DLG2: variants seen among roughly 807,000 people sequenced by gnomAD.
DLG2 encodes the protein disks large homolog 2.
A neutral mutation model predicts 132.5 loss-of-function variants in DLG2; 45 were observed. That is an observed-to-expected ratio of 0.34 (90% CI 0.27 to 0.44). The LOEUF (loss-of-function observed/expected upper bound fraction) is 0.44, where lower values mean the gene tolerates loss of function less well. Ranked by LOEUF, DLG2 falls within the 20% of genes least tolerant of loss-of-function variation. The pLI is 1.00. For missense variants in DLG2, 1,045 were observed against 1,196.9 expected, an observed-to-expected ratio of 0.87 and a Z score of 1.87; for synonymous variants, 424 against 419.6, an observed-to-expected ratio of 1.01 and a Z score of -0.13.
intron 6 of DLG2, among the ~76,000 whole-genome samples, chr11:84,869,734 G>C (rs1296880899): frequency 6.6e-6 from 1 of 152,208 alleles, no homozygotes; most frequent in Non-Finnish European, 1.5e-5. Context: ...GAAAGGGGCT[G>C]TCTCTTCTCA....
intron 3 of DLG2, among the ~76,000 whole-genome samples, chr11:85,286,422 A>G (rs1333305387): frequency 6.6e-6 from 1 of 152,108 alleles, no homozygotes; most frequent in Non-Finnish European, 1.5e-5. Context: ...ATATACACAA[A>G]TCAGTTATAC....
intron 6 of DLG2, among the ~76,000 whole-genome samples, chr11:84,783,730 A>C (rs2072263618): frequency 6.6e-6 from 1 of 152,178 alleles, no homozygotes; most frequent in African/African-American, 2.4e-5. Context: ...ACTCTAATGC[A>C]ACTGATCTAG....
intron 6 of DLG2, among the ~76,000 whole-genome samples, chr11:84,901,014 C>T (rs7943571): frequency 0.11 from 16,212 of 151,748 alleles, 1,252 homozygotes; most frequent in African/African-American, 0.22. Context: ...AGATACTTAG[C>T]GAGTCCATAT....
At chr11:83,839,329 T>G (rs1284073777) in intron 16 of DLG2, among the ~76,000 whole-genome samples, 1 of 152,228 alleles carries the variant, frequency 6.6e-6, no homozygotes, top group Non-Finnish European at 1.5e-5. Flanking sequence ...AAAATAAATT[T>G]GTAAAATGGA....
At chr11:85,374,932 G>C (rs767024166) in intron 3 of DLG2, among the ~76,000 whole-genome samples, 1 of 151,868 alleles carries the variant, frequency 6.6e-6, no homozygotes. Flanking sequence ...GAAATGTTAC[G>C]ATACTTGCAA....
chr11:83,765,147 T>C (rs966345497), intron 18 of DLG2, among the ~76,000 whole-genome samples: 10 of 152,260 alleles, frequency 6.6e-5, no homozygotes, highest in African/African-American at 2.4e-4. Context: ...TTGTAAAATA[T>C]AGCCTAAAGA....
intron 7 of DLG2, among the ~76,000 whole-genome samples, chr11:84,530,769 T>C (rs1372276885): frequency 6.6e-6 from 1 of 152,220 alleles, no homozygotes; most frequent in Non-Finnish European, 1.5e-5. Flanking sequence ...AATCTCATTA[T>C]TGGACATATA....
intron 6 of DLG2, among the ~76,000 whole-genome samples, chr11:84,659,515 GC>G (rs1178219565): frequency 6.6e-6 from 1 of 152,076 alleles, no homozygotes; most frequent in East Asian, 1.9e-4. Flanking sequence ...GCATGACAGT[GC>G]TTTTATGATT....
chr11:84,677,351 T>C (rs1354805083), intron 6 of DLG2, among the ~76,000 whole-genome samples: 3 of 152,080 alleles, frequency 2.0e-5, no homozygotes, highest in South Asian at 2.1e-4. Flanking sequence ...CTGCTGATTA[T>C]AAAGGATTTT....
rs547122639 is a variant in DLG2, at chr11:85,536,956, G to C, written c.40+61701C>G. Among the ~76,000 whole-genome samples the C allele has an allele frequency of 7.9e-5, 12 of 152,352 alleles. No homozygotes were observed. In the East Asian group the frequency reaches 2.1e-3, roughly 27 times the overall value. ...GAAGCTGATTGGGCTTCTGGGACAGGTGGGGACTTGGAGAACTTTTCTGTC... is the reference window on the plus strand; with the variant it reads ...GAAGCTGATTGGGCTTCTGGGACAGCTGGGGACTTGGAGAACTTTTCTGTC... On this transcript the variant is annotated intron_variant, in intron 3 of 27. Coordinates refer to ENST00000376104, the MANE Select transcript of DLG2 (RefSeq NM_001142699.3).
chr11:83,471,866 A>G, intron 23 of DLG2, 139 bp from the exon 24 acceptor site: 1 of 657,698 alleles, frequency 1.5e-6, no homozygotes, highest in Non-Finnish European at 2.6e-6. Context: ...TTACTCATAC[A>G]GCCTTGCATA....
chr11:84,111,008 C>T (rs1209364275), intron 9 of DLG2, among the ~76,000 whole-genome samples: 2 of 152,038 alleles, frequency 1.3e-5, no homozygotes, highest in Non-Finnish European at 2.9e-5. Context: ...TCCTCACTTT[C>T]CCCTTCATTT....
At chr11:85,181,354 T>C (rs764419136) in intron 4 of DLG2, among the ~76,000 whole-genome samples, 1 of 151,738 alleles carries the variant, frequency 6.6e-6, no homozygotes, top group Non-Finnish European at 1.5e-5. Context: ...ACCCTTTTAG[T>C]TATTTTACAA....
chr11:84,851,173 T>C (rs1025400136), intron 6 of DLG2, among the ~76,000 whole-genome samples: 1 of 152,124 alleles, frequency 6.6e-6, no homozygotes, highest in Admixed American at 6.6e-5. Flanking sequence ...GAGTAGCCAT[T>C]ATACAGCAAT....
intron 5 of DLG2, among the ~76,000 whole-genome samples, chr11:85,128,809 A>G (rs533258275): frequency 2.3e-4 from 35 of 152,150 alleles, no homozygotes; most frequent in Non-Finnish European, 4.9e-4. Flanking sequence ...TGTTATTGAG[A>G]TGACTTCATT....
intron 6 of DLG2, among the ~76,000 whole-genome samples, chr11:84,577,470 G>A (rs1191497122): frequency 6.6e-6 from 1 of 152,152 alleles, no homozygotes; most frequent in Non-Finnish European, 1.5e-5. Context: ...TGGTCCCAAT[G>A]GAGATGAGGA....
chr11:83,488,655 A>G (rs2093666909), intron 21 of DLG2, among the ~76,000 whole-genome samples: 1 of 151,992 alleles, frequency 6.6e-6, no homozygotes, highest in Non-Finnish European at 1.5e-5. Flanking sequence ...CTAAAATGTC[A>G]TCTTAGTAAT....
intron 7 of DLG2, among the ~76,000 whole-genome samples, chr11:84,283,163 A>C (rs1246973488): frequency 6.6e-6 from 1 of 152,194 alleles, no homozygotes; most frequent in East Asian, 1.9e-4. Context: ...ACTGACACTA[A>C]AATTATAACA....
chr11:85,272,221 C>T (rs538503395), intron 4 of DLG2, among the ~76,000 whole-genome samples: 1 of 152,284 alleles, frequency 6.6e-6, no homozygotes, highest in African/African-American at 2.4e-5. Flanking sequence ...TTGCCTCCCA[C>T]CATGTATGAT....
Sources: allele counts gnomAD v4.1 joint callset (sites outside exome capture counted in the v4.1 genomes callset), GRCh38; gene constraint gnomAD v4.1.1; transcripts MANE v1.5; gene names NCBI Gene and HGNC (gene_info 2026-07-23, HGNC 2026-07-21).